The following PTPRT variants were observed in gnomAD, a reference collection of about 807,000 sequenced individuals.
PTPRT encodes the protein protein tyrosine phosphatase receptor type T.
A neutral mutation model predicts 176.8 loss-of-function variants in PTPRT; 56 were observed. The ratio of observed to expected loss-of-function variants is 0.32; its 90% confidence interval spans 0.26 to 0.40. The LOEUF is 0.40. PTPRT is among the 10% of genes least tolerant of loss of function. PTPRT has a pLI of 1.00. For missense variants in PTPRT, 1,540 were observed against 1,908.2 expected, an observed-to-expected ratio of 0.81 and a Z score of 3.60; for synonymous variants, 783 against 739.0, an observed-to-expected ratio of 1.06 and a Z score of -0.96.
chr20:42,446,621 T>TGTGTGAGA (rs1491165117), intron 9 of PTPRT, among the ~76,000 whole-genome samples: 69 of 130,158 alleles, frequency 5.3e-4, no homozygotes, highest in African/African-American at 7.6e-4. Context: ...TGTGTGTGTG[T>TGTGTGAGA]GAGAGAGAGA....
At chr20:42,460,645 C>T (rs1367813463) in intron 8 of PTPRT, among the ~76,000 whole-genome samples, 1 of 152,184 alleles carries the variant, frequency 6.6e-6, no homozygotes, top group African/African-American at 2.4e-5. Flanking sequence ...TCTCCTATGC[C>T]ATTTTCATGA....
At chr20:42,373,262 C>G (rs907401084) in intron 9 of PTPRT, among the ~76,000 whole-genome samples, 5 of 152,216 alleles carry the variant, frequency 3.3e-5, no homozygotes, top group African/African-American at 1.2e-4. Flanking sequence ...TGCTGCCAGG[C>G]TGGGCTCTGG....
At chr20:42,633,785 ATAT>A (rs2074467403) in intron 7 of PTPRT, among the ~76,000 whole-genome samples, 1 of 4,872 alleles carries the variant, frequency 2.1e-4, no homozygotes, top group Non-Finnish European at 5.0e-4. Flanking sequence ...GACTCTGAAA[ATAT>A]ATATATATAT....
chr20:42,099,543 GGGC>G (rs1478630770), intron 26 of PTPRT, among the ~76,000 whole-genome samples: 1 of 43,840 alleles, frequency 2.3e-5, no homozygotes, highest in Non-Finnish European at 5.8e-5. Context: ...AAAATGGCCT[GGGC>G]GGGGGGGGGG....
chr20:42,596,082 C>G (rs1004828402), intron 7 of PTPRT, among the ~76,000 whole-genome samples: 1 of 152,136 alleles, frequency 6.6e-6, no homozygotes. Context: ...GTAATAAAGG[C>G]AGGGCTGTGA....
chr20:42,044,282 G>A, the PTPRT span, among the ~76,000 whole-genome samples: 2 of 152,236 alleles, frequency 1.3e-5, no homozygotes, highest in Non-Finnish European at 2.9e-5. Flanking sequence ...TTGTGCTGGT[G>A]TTTGGAGAAG....
At chr20:42,524,416 T>A (rs1486416399) in intron 7 of PTPRT, among the ~76,000 whole-genome samples, 1 of 152,212 alleles carries the variant, frequency 6.6e-6, no homozygotes, top group Admixed American at 6.5e-5. Flanking sequence ...GTATGCAATT[T>A]AAGGTTTGTT....
At chr20:42,545,268 A>T (rs1386252902) in intron 7 of PTPRT, among the ~76,000 whole-genome samples, 3 of 152,134 alleles carry the variant, frequency 2.0e-5, no homozygotes, top group African/African-American at 7.2e-5. Context: ...CATGCTTCTT[A>T]TATGTGTGAA....
intron 15 of PTPRT, among the ~76,000 whole-genome samples, chr20:42,218,998 A>C (rs1187302224): frequency 6.6e-6 from 1 of 152,188 alleles, no homozygotes; most frequent in Non-Finnish European, 1.5e-5. Flanking sequence ...GTCTTTATGC[A>C]ACGTGAGGTG....
intron 7 of PTPRT, among the ~76,000 whole-genome samples, chr20:42,517,166 G>T (rs2072083503): frequency 1.3e-5 from 2 of 151,804 alleles, no homozygotes; most frequent in South Asian, 2.1e-4. Flanking sequence ...TGTACCTGAT[G>T]TTTTCATTTT....
At chr20:42,293,150 G>A (rs2057342443) in intron 12 of PTPRT, among the ~76,000 whole-genome samples, 1 of 152,198 alleles carries the variant, frequency 6.6e-6, no homozygotes, top group Non-Finnish European at 1.5e-5. Context: ...CCCCCAAGTA[G>A]CATGCAAGCC....
At chr20:43,137,924 C>G (rs1388162277) in intron 1 of PTPRT, among the ~76,000 whole-genome samples, 3 of 152,224 alleles carry the variant, frequency 2.0e-5, no homozygotes, top group African/African-American at 2.4e-5. Context: ...GGTATGGGAC[C>G]CATCTTCAGG....
chr20:42,982,240 G>C (rs1331369855), intron 1 of PTPRT, among the ~76,000 whole-genome samples: 1 of 152,204 alleles, frequency 6.6e-6, no homozygotes, highest in African/African-American at 2.4e-5. Flanking sequence ...GCATCATTAT[G>C]CTGCCGGCAC....
intron 18 of PTPRT, among the ~76,000 whole-genome samples, chr20:42,141,170 G>A (rs1365916494): frequency 2.0e-5 from 3 of 152,136 alleles, no homozygotes; most frequent in African/African-American, 2.4e-5. Flanking sequence ...AGTACCTCCC[G>A]AGGTGCACTG....
chr20:42,213,986 AC>A (rs1325757763), intron 15 of PTPRT, among the ~76,000 whole-genome samples: 3 of 152,216 alleles, frequency 2.0e-5, no homozygotes, highest in East Asian at 3.9e-4. Flanking sequence ...CTTATTGAAT[AC>A]CAGCCACTAT....
At chr20:42,057,393 G>A in the PTPRT span, among the ~76,000 whole-genome samples, 1 of 152,140 alleles carries the variant, frequency 6.6e-6, no homozygotes, top group African/African-American at 2.4e-5. Flanking sequence ...GAAGGGTACA[G>A]CAGGGAACGG....
intron 7 of PTPRT, among the ~76,000 whole-genome samples, chr20:42,485,291 CT>C (rs2145348860): frequency 6.6e-6 from 1 of 152,186 alleles, no homozygotes; most frequent in South Asian, 2.1e-4. Context: ...TGGCAAGTCG[CT>C]TTATTCATTT....
chr20:42,136,302 A>G (rs888201754), intron 18 of PTPRT, among the ~76,000 whole-genome samples: 13 of 144,820 alleles, frequency 9.0e-5, no homozygotes, highest in African/African-American at 3.3e-4. Flanking sequence ...GTGGAGCTGA[A>G]AAACCATTTC....
At chr20:42,597,094 C>T (rs1395175044) in intron 7 of PTPRT, among the ~76,000 whole-genome samples, 2 of 152,144 alleles carry the variant, frequency 1.3e-5, no homozygotes, top group African/African-American at 4.8e-5. Context: ...GCTTAGATCT[C>T]ATCTTAGGCT....
Sources: gnomAD v4.1 joint callset for allele counts (sites outside exome capture counted in the v4.1 genomes callset) on GRCh38, gnomAD v4.1.1 for gene constraint, MANE v1.5 for transcripts, NCBI Gene and HGNC (gene_info 2026-07-23, HGNC 2026-07-21) for gene names.